Variants in ZFHX3 observed in about 807,000 individuals in gnomAD.
ZFHX3 encodes the protein zinc finger homeobox protein 3.
ZFHX3 carries 42 observed loss-of-function variants against 279.1 expected under a neutral mutation model. That is an observed-to-expected ratio of 0.15 (90% CI 0.12 to 0.19). The LOEUF is 0.19. Ranked by LOEUF, ZFHX3 falls within the 10% of genes least tolerant of loss-of-function variation. The pLI is 1.00. For missense variants in ZFHX3, 4,981 were observed against 4,754.0 expected (o/e 1.05, Z -1.40); for synonymous variants, 2,293 against 1,957.8 (o/e 1.17, Z -4.52).
chr16:72,826,616 A>T (rs2036936520), intron 5 of ZFHX3, among the ~76,000 whole-genome samples: 1 of 152,248 alleles, frequency 6.6e-6, no homozygotes, highest in Non-Finnish European at 1.5e-5. Flanking sequence ...CTGTCATTAC[A>T]CACTCAGATA....
At chr16:73,085,910 GA>G (rs1966005881) in intron 8 of ZFHX3, among the ~76,000 whole-genome samples, 1 of 131,852 alleles carries the variant, frequency 7.6e-6, no homozygotes, top group African/African-American at 2.9e-5. Context: ...AAGAATGGGG[GA>G]AAATATTTGC....
At chr16:73,596,020 T>G (rs2052046384) in intron 2 of ZFHX3, among the ~76,000 whole-genome samples, 1 of 146,392 alleles carries the variant, frequency 6.8e-6, no homozygotes, top group African/African-American at 2.7e-5. Context: ...TTATTTTATT[T>G]TATTTTATTT....
chr16:73,097,071 C>T (rs113185568), intron 7 of ZFHX3, among the ~76,000 whole-genome samples: 2,217 of 151,650 alleles, frequency 0.015, 25 homozygotes, highest in Non-Finnish European at 0.022. Context: ...TTCCTTCTTT[C>T]GAGGTGGGGT....
At chr16:73,695,948 G>T (rs546060311) in intron 1 of ZFHX3, among the ~76,000 whole-genome samples, 15 of 152,322 alleles carry the variant, frequency 9.8e-5, no homozygotes, top group African/African-American at 3.4e-4. Context: ...GGTAAGGGAG[G>T]TGGAAACTGT....
At chr16:73,045,529 T>G (rs1047497796) in intron 1 of ZFHX3, among the ~76,000 whole-genome samples, 4 of 152,176 alleles carry the variant, frequency 2.6e-5, no homozygotes, top group African/African-American at 9.6e-5. Context: ...GAGGGCACCG[T>G]TTTAGATGGG....
chr16:73,547,858 G>C (rs1487550392), intron 2 of ZFHX3, among the ~76,000 whole-genome samples: 1 of 152,146 alleles, frequency 6.6e-6, no homozygotes, highest in Non-Finnish European at 1.5e-5. Context: ...GGAAAATATG[G>C]TTTTCCTGAT....
At chr16:72,993,584 C>T (rs577548054) in intron 1 of ZFHX3, among the ~76,000 whole-genome samples, 15 of 152,280 alleles carry the variant, frequency 9.9e-5, no homozygotes, top group South Asian at 4.2e-4. Flanking sequence ...GGACAACAAG[C>T]GATGCCCAAC....
intron 4 of ZFHX3, among the ~76,000 whole-genome samples, chr16:73,314,334 G>A (rs2015396300): frequency 6.6e-6 from 1 of 152,178 alleles, no homozygotes; most frequent in Non-Finnish European, 1.5e-5. Flanking sequence ...CACTCCTTGT[G>A]AACCAGTTCC....
chr16:72,971,190 GATACT>G (rs1365150378), intron 1 of ZFHX3, among the ~76,000 whole-genome samples: 1 of 152,168 alleles, frequency 6.6e-6, no homozygotes. Context: ...TGGCTATATA[GATACT>G]ATATCTTATA....
chr16:73,632,670 G>A (rs1196889223), intron 2 of ZFHX3, among the ~76,000 whole-genome samples: 4 of 143,650 alleles, frequency 2.8e-5, no homozygotes, highest in African/African-American at 1.1e-4. Flanking sequence ...TGGCAACAGC[G>A]CAAGACTCTG....
At position 73,523,039 on chromosome 16, in the gene ZFHX3, T is replaced by C. The variant is rs143689821; in HGVS notation, c.-1546-66781A>G. On this transcript the variant is annotated intron_variant, in intron 2 of 17. Coordinates refer to the ZFHX3 transcript ENST00000641206. ...GTCCCTCCCACAACACGGTGGCAAT[T>C]ATGGGAACTACAATTCAAGATAAGA... 1.9e-4 allele frequency among the ~76,000 whole-genome samples: 29 copies of C among 152,182 alleles called. No homozygotes were observed. In the East Asian group the frequency reaches 5.6e-3, roughly 29 times the overall value.
chr16:73,682,423 A>G (rs1051867465), intron 1 of ZFHX3, among the ~76,000 whole-genome samples: 7 of 152,166 alleles, frequency 4.6e-5, no homozygotes, highest in Admixed American at 1.3e-4. Flanking sequence ...ATTCAAATCC[A>G]CGTCCCTTGA....
chr16:72,933,841 C>T (rs1419930587), intron 3 of ZFHX3, among the ~76,000 whole-genome samples: 2 of 88,220 alleles, frequency 2.3e-5, no homozygotes, highest in African/African-American at 6.8e-5. Flanking sequence ...TTTTTTGAGA[C>T]AGAGTCTCGC....
chr16:73,080,616 T>C (rs370355495), intron 8 of ZFHX3, among the ~76,000 whole-genome samples: 112 of 152,228 alleles, frequency 7.4e-4, no homozygotes, highest in African/African-American at 1.7e-3. Context: ...CTGTGTTGCC[T>C]AGGCTGGAGT....
intron 2 of ZFHX3, among the ~76,000 whole-genome samples, chr16:73,545,776 G>T (rs933978602): frequency 1.3e-5 from 2 of 150,394 alleles, no homozygotes; most frequent in Non-Finnish European, 2.9e-5. Flanking sequence ...GAAATTGGGT[G>T]GAACACCTGC....
intron 2 of ZFHX3, chr16:73,487,346 G>C (rs1471967691): frequency 1.7e-5 from 6 of 354,632 alleles, no homozygotes; most frequent in African/African-American, 4.3e-5. Flanking sequence ...ATCTCAGGAG[G>C]ACTCTTACTA....
At chr16:73,130,224 G>A (rs113174184) in intron 7 of ZFHX3, among the ~76,000 whole-genome samples, 108 of 151,802 alleles carry the variant, frequency 7.1e-4, no homozygotes, top group African/African-American at 2.1e-3. Flanking sequence ...CCTAACCCAC[G>A]TAATTAAAGT....
intron 4 of ZFHX3, among the ~76,000 whole-genome samples, chr16:73,285,214 G>C (rs1488813775): frequency 6.6e-6 from 1 of 152,176 alleles, no homozygotes; most frequent in Non-Finnish European, 1.5e-5. Flanking sequence ...AGGAGAGGTA[G>C]ACAACCCTGG....
intron 1 of ZFHX3, among the ~76,000 whole-genome samples, chr16:73,776,536 A>G (rs981911710): frequency 2.0e-5 from 3 of 152,202 alleles, no homozygotes; most frequent in Admixed American, 6.5e-5. Flanking sequence ...AATAGTAAAA[A>G]TATGCAACCG....
Sources: gnomAD v4.1 joint callset for allele counts (sites outside exome capture counted in the v4.1 genomes callset) on GRCh38, gnomAD v4.1.1 for gene constraint, MANE v1.5 for transcripts, NCBI Gene and HGNC (gene_info 2026-07-23, HGNC 2026-07-21) for gene names.